ADGRF5: variants seen among roughly 807,000 people sequenced by gnomAD.
ADGRF5 encodes adhesion G protein-coupled receptor F5.
In ADGRF5, 75 loss-of-function variants were observed where a neutral mutation model predicts 132.3. The observed-to-expected ratio is 0.57, with a 90% CI of 0.47 to 0.69. The LOEUF (loss-of-function observed/expected upper bound fraction) is 0.69, where lower values mean the gene tolerates loss of function less well. Among genes scored for constraint, ADGRF5 ranks in the 30% least tolerant of loss-of-function variants. The pLI, the probability that ADGRF5 is intolerant of heterozygous loss-of-function variation, is 0.00. For synonymous variants in ADGRF5, 629 were observed against 597.6 expected (o/e 1.05, Z -0.77); for missense variants, 1,516 against 1,630.6 (o/e 0.93, Z 1.21).
At chr6:46,891,600 G>T (rs1328947668) in intron 3 of ADGRF5, among the ~76,000 whole-genome samples, 2 of 152,154 alleles carry the variant, frequency 1.3e-5, no homozygotes, top group Admixed American at 6.5e-5. Flanking sequence ...TGGCTTTGTT[G>T]AATCCCAGGA....
chr6:46,897,772 C>T (rs111373391), intron 3 of ADGRF5, among the ~76,000 whole-genome samples: 51 of 152,298 alleles, frequency 3.3e-4, no homozygotes, highest in African/African-American at 1.0e-3. Context: ...TCTCGAACTC[C>T]TGACCTCGTG....
intron 1 of ADGRF5, among the ~76,000 whole-genome samples, chr6:46,943,828 C>G (rs1016798266): frequency 6.6e-6 from 1 of 152,112 alleles, no homozygotes; most frequent in African/African-American, 2.4e-5. Flanking sequence ...GTTAAACATA[C>G]GATGGTTCAA....
upstream of ADGRF5, among the ~76,000 whole-genome samples, chr6:46,925,593 T>TA (rs1289915500): frequency 6.6e-6 from 1 of 152,070 alleles, no homozygotes; most frequent in Non-Finnish European, 1.5e-5. Context: ...CTGTCTCTAC[T>TA]AAAAAATACA....
chr6:46,865,269 C>G, intron 13 of ADGRF5, 72 bp from the exon 14 acceptor site: 3 of 1,069,758 alleles, frequency 2.8e-6, no homozygotes, highest in Non-Finnish European at 4.2e-6. Context: ...TTAAGATAAC[C>G]TAATATGAAT....
At chr6:46,913,493 C>T (rs1302840169) in intron 1 of ADGRF5, among the ~76,000 whole-genome samples, 3 of 71,084 alleles carry the variant, frequency 4.2e-5, no homozygotes, top group African/African-American at 2.2e-4. Flanking sequence ...AAGCAAAACT[C>T]CACCTCAAAA....
chr6:46,953,651 G>GA (rs1778588834), intron 1 of ADGRF5, among the ~76,000 whole-genome samples: 2 of 42,196 alleles, frequency 4.7e-5, no homozygotes, highest in Admixed American at 3.7e-4. Context: ...AGATATATGT[G>GA]TATATATATA....
At position 46,906,666 on chromosome 6, in the gene ADGRF5, G is replaced by T. The variant is rs756112424; in HGVS notation, c.97C>A (p.Pro33Thr). Reference protein sequence around the residue: ...LNWNYESTIHPLSLHEHEPAG... With the variant: ...LNWNYESTIHTLSLHEHEPAG... ...CAGATATGGATATAACTCACCAAAGGATGAATAGTAGACTCGTAATTCCAG... is the reference window on the plus strand; with the variant it reads ...CAGATATGGATATAACTCACCAAAGTATGAATAGTAGACTCGTAATTCCAG... The change falls in exon 2 of 21, where the codon CCT (proline) becomes ACT (threonine). Residue 33 changes from proline (P) to threonine (T), a missense_variant. By Grantham distance (38) the Pro-to-Thr change is conservative. Transcript: ENST00000283296. 5 of 1,493,718 alleles carry T rather than the reference G, an allele frequency of 3.3e-6. No individual in the cohort carries two copies. The Admixed American group carries it at 6.7e-5, about 20-fold the overall frequency. The allele number at this position is 1,493,718 out of a possible 1,614,324, so 92.5% of individuals were successfully genotyped here. A position where few individuals can be genotyped will look rare whatever the true frequency, so the allele number is the denominator to read the frequency against.
intron 1 of ADGRF5, among the ~76,000 whole-genome samples, chr6:46,909,874 C>G (rs1775763597): frequency 6.6e-6 from 1 of 151,758 alleles, no homozygotes; most frequent in Non-Finnish European, 1.5e-5. Context: ...CTGGCATGCA[C>G]CCATAATCCT....
intron 10 of ADGRF5, 136 bp downstream of exon 10, chr6:46,878,066 C>G: frequency 1.5e-6 from 1 of 660,772 alleles, no homozygotes; most frequent in Non-Finnish European, 2.7e-6. Flanking sequence ...GGCATCAAAC[C>G]TAATGCCTTT....
Position 46,859,118 on chromosome 6 carries a change from T to C in ADGRF5, c.2785A>G (p.Ser929Gly). 6.2e-7 allele frequency: 1 copy of C among 1,614,076 alleles called. No homozygotes were observed. Residue 929 changes from serine to glycine, a missense_variant, in exon 17 of 21, where the codon AGC (serine) becomes GGC (glycine). Physicochemically the swap from Ser to Gly is moderately conservative, Grantham distance 56. Transcript: ENST00000283296. ...AESLVMTTTV[S>G]HNTTMPFRIS... is the part of the protein sequence containing the mutation. ...CTGAATGGCATAGTTGTATTGTGGCTGACAGTGGTTGTCATCACTAAGCTC... is the reference window on the plus strand; with the variant it reads ...CTGAATGGCATAGTTGTATTGTGGCCGACAGTGGTTGTCATCACTAAGCTC...
intron 10 of ADGRF5, among the ~76,000 whole-genome samples, chr6:46,877,585 A>T (rs748796342): frequency 6.6e-6 from 1 of 152,034 alleles, no homozygotes; most frequent in Non-Finnish European, 1.5e-5. Flanking sequence ...TATTACCATT[A>T]TTATTATTCA....
chr6:46,931,194 T>C (rs1379382870), intron 1 of ADGRF5, among the ~76,000 whole-genome samples: 7 of 152,210 alleles, frequency 4.6e-5, no homozygotes, highest in African/African-American at 1.7e-4. Context: ...TGCTGTCCCC[T>C]CTTACTTCCT....
chr6:46,891,954 G>A (rs976883834), intron 3 of ADGRF5, among the ~76,000 whole-genome samples: 16 of 152,058 alleles, frequency 1.1e-4, no homozygotes, highest in East Asian at 1.9e-4. Flanking sequence ...CAGCCTGAGC[G>A]TCACCTCTGT....
chr6:46,878,750 T>C (rs1191570406), intron 9 of ADGRF5, among the ~76,000 whole-genome samples: 12 of 152,224 alleles, frequency 7.9e-5, no homozygotes, highest in Admixed American at 4.6e-4. Context: ...TATTTAACCA[T>C]GTTGTAAATC....
chr6:46,885,255 T>G (rs1772948167), intron 4 of ADGRF5, among the ~76,000 whole-genome samples: 2 of 151,858 alleles, frequency 1.3e-5, no homozygotes, highest in Non-Finnish European at 2.9e-5. Context: ...AACAGAATTT[T>G]TTTTCATATG....
At chr6:46,931,320 ATAC>A (rs1777546491) in intron 1 of ADGRF5, among the ~76,000 whole-genome samples, 1 of 152,132 alleles carries the variant, frequency 6.6e-6, no homozygotes, top group Admixed American at 6.5e-5. Context: ...AAAAAGCCAA[ATAC>A]CTAGATCTCA....
intron 13 of ADGRF5, 25 bp from the exon 14 acceptor site, chr6:46,865,222 T>C (rs1301549516): frequency 1.3e-6 from 2 of 1,569,570 alleles, no homozygotes. Context: ...ATTGAAAGAA[T>C]TAAGTCACAA....
intron 20 of ADGRF5, among the ~76,000 whole-genome samples, chr6:46,855,552 T>C (rs1363649329): frequency 6.6e-6 from 1 of 152,182 alleles, no homozygotes; most frequent in Non-Finnish European, 1.5e-5. Context: ...CAAACCTACA[T>C]AGTGAGATCC....
intron 1 of ADGRF5, among the ~76,000 whole-genome samples, chr6:46,945,554 G>C (rs1433492246): frequency 7.9e-5 from 12 of 152,200 alleles, no homozygotes; most frequent in Admixed American, 5.9e-4. Context: ...AACAATTACT[G>C]AGATTTCAAA....
Sources: gnomAD v4.1 joint callset for allele counts (sites outside exome capture counted in the v4.1 genomes callset) on GRCh38, gnomAD v4.1.1 for gene constraint, MANE v1.5 for transcripts, NCBI Gene and HGNC (gene_info 2026-07-23, HGNC 2026-07-21) for gene names.